Variants in GRIK4 observed in about 807,000 individuals in gnomAD.
GRIK4 encodes the protein glutamate ionotropic receptor kainate type subunit 4, also known as glutamate receptor ionotropic, kainate 4.
A neutral mutation model predicts 104.9 loss-of-function variants in GRIK4; 40 were observed. The ratio of observed to expected loss-of-function variants is 0.38; its 90% CI spans 0.30 to 0.50. GRIK4 has a LOEUF of 0.50. Ranked by LOEUF, GRIK4 falls within the 20% of genes least tolerant of loss-of-function variation. The pLI, the probability that GRIK4 is intolerant of heterozygous loss-of-function variation, is 0.93. For missense variants in GRIK4, 1,047 were observed against 1,308.1 expected, an observed-to-expected ratio of 0.80 and a Z score of 3.08; for synonymous variants, 485 against 524.9, an observed-to-expected ratio of 0.92 and a Z score of 1.04.
At chr11:120,645,905 G>A (rs905787690) in intron 1 of GRIK4, among the ~76,000 whole-genome samples, 1 of 152,190 alleles carries the variant, frequency 6.6e-6, no homozygotes, top group African/African-American at 2.4e-5. Flanking sequence ...TTTTGTTGCT[G>A]AGCACAGCAG....
chr11:120,754,051 A>T (rs1432155240), intron 3 of GRIK4, among the ~76,000 whole-genome samples: 1 of 151,852 alleles, frequency 6.6e-6, no homozygotes, highest in Non-Finnish European at 1.5e-5. Context: ...TTTTTTTTGG[A>T]GACGGAGTCT....
chr11:120,760,015 C>G (rs984861294), intron 3 of GRIK4, among the ~76,000 whole-genome samples: 1 of 151,914 alleles, frequency 6.6e-6, no homozygotes, highest in Admixed American at 6.6e-5. Flanking sequence ...ATATAACACA[C>G]TTTATATTAG....
intron 13 of GRIK4, among the ~76,000 whole-genome samples, chr11:120,920,630 C>T (rs1000197330): frequency 6.6e-6 from 1 of 151,584 alleles, no homozygotes; most frequent in Non-Finnish European, 1.5e-5. Context: ...CATATTCCCC[C>T]CAGGAGGTGG....
At chr11:120,527,971 C>CTTTTA (rs1358716261) in intron 1 of GRIK4, among the ~76,000 whole-genome samples, 1 of 152,032 alleles carries the variant, frequency 6.6e-6, no homozygotes, top group African/African-American at 2.4e-5. Flanking sequence ...CAAACAAGTC[C>CTTTTA]TTTTATTTTA....
chr11:120,780,979 T>C (rs1952145022), intron 3 of GRIK4, among the ~76,000 whole-genome samples: 1 of 152,174 alleles, frequency 6.6e-6, no homozygotes, highest in Non-Finnish European at 1.5e-5. Context: ...CCTGACCTCG[T>C]GATCTGCCTG....
rs1944648200 is a variant in GRIK4, at chr11:120,981,299, C to G, written c.2396-807C>G. 2.0e-5 allele frequency among the ~76,000 whole-genome samples: 3 copies of G among 152,190 alleles called. No homozygotes were observed. In the South Asian group the frequency reaches 6.2e-4, roughly 31 times the overall value. ...GTATTTATTGACTATATACTGTGTG[C>G]CAGGTATCATGCTTTGCAATGAGGA... is the stretch of plus-strand genomic sequence containing the variant. On this transcript the variant is annotated intron_variant, in intron 19 of 20. Coordinates refer to ENST00000527524, the MANE Select transcript of GRIK4 (RefSeq NM_014619.5).
At chr11:120,830,356 A>T (rs1953389146) in intron 6 of GRIK4, among the ~76,000 whole-genome samples, 4 of 152,076 alleles carry the variant, frequency 2.6e-5, no homozygotes, top group Admixed American at 2.6e-4. Context: ...GAAATCAGAA[A>T]ACTGAGATCA....
At chr11:120,720,533 T>C (rs1192196797) in intron 3 of GRIK4, among the ~76,000 whole-genome samples, 1 of 152,134 alleles carries the variant, frequency 6.6e-6, no homozygotes, top group East Asian at 1.9e-4. Context: ...GGTGTTGATG[T>C]GTCCTGCTTT....
At chr11:120,780,636 A>T (rs536518046) in intron 3 of GRIK4, among the ~76,000 whole-genome samples, 1 of 152,358 alleles carries the variant, frequency 6.6e-6, no homozygotes, top group East Asian at 1.9e-4. Context: ...TATTTTGGAT[A>T]TATACCCACA....
chr11:120,586,168 G>C (rs1000355924), intron 1 of GRIK4, among the ~76,000 whole-genome samples: 2 of 152,168 alleles, frequency 1.3e-5, no homozygotes, highest in African/African-American at 4.8e-5. Context: ...AGCTCTGGGT[G>C]GAGTACATGG....
chr11:120,883,375 G>A (rs1955022988), intron 11 of GRIK4, among the ~76,000 whole-genome samples: 2 of 152,312 alleles, frequency 1.3e-5, no homozygotes, highest in South Asian at 2.1e-4. Flanking sequence ...TTTGAAAATT[G>A]AAGCAGAAGG....
At chr11:120,628,674 C>T (rs765950487) in intron 1 of GRIK4, among the ~76,000 whole-genome samples, 3 of 152,144 alleles carry the variant, frequency 2.0e-5, no homozygotes, top group Non-Finnish European at 2.9e-5. Context: ...GGGACATTAG[C>T]TCCTAGGGGC....
chr11:120,796,889 G>C (rs546068898), intron 3 of GRIK4, among the ~76,000 whole-genome samples: 3 of 152,088 alleles, frequency 2.0e-5, no homozygotes, highest in African/African-American at 7.2e-5. Context: ...AGGCGCTGCA[G>C]GGGGGAGGAG....
At chr11:120,802,373 A>C (rs563320109) in intron 3 of GRIK4, among the ~76,000 whole-genome samples, 1 of 152,206 alleles carries the variant, frequency 6.6e-6, no homozygotes, top group Non-Finnish European at 1.5e-5. Context: ...GCCTGTGTGC[A>C]TGGAGACAGG....
rs1948115208 is a variant in GRIK4, at chr11:120,549,189, C to G, written c.-159+37302C>G. ...TCTCAGCTCACTGCAACCTCTGCTT[C>G]CTGGGTTCAAGCAATTCTACTGCCT... On this transcript the variant is annotated intron_variant, in intron 1 of 20. Coordinates refer to ENST00000527524, the MANE Select transcript of GRIK4 (RefSeq NM_014619.5). This position sits in a 1 kb window ranked among gnomAD's most constrained non-coding sequence, Gnocchi z 4.7. Among the ~76,000 whole-genome samples, 1 of 152,186 alleles carries G rather than the reference C, an allele frequency of 6.6e-6. No individual in the cohort carries two copies. The highest frequency in any genetic ancestry group is 1.9e-4 in the East Asian group (1 of 5,176).
chr11:120,702,175 C>T (rs974501699), intron 3 of GRIK4, among the ~76,000 whole-genome samples: 3 of 152,062 alleles, frequency 2.0e-5, no homozygotes, highest in Non-Finnish European at 2.9e-5. Flanking sequence ...AGGATGGCCT[C>T]GATCTCTTCA....
At chr11:120,689,097 G>C (rs552845687) in intron 3 of GRIK4, among the ~76,000 whole-genome samples, 35 of 152,178 alleles carry the variant, frequency 2.3e-4, no homozygotes, top group South Asian at 6.2e-4. Context: ...ACCAAGCCCA[G>C]TCAGGGCTTG....
intron 1 of GRIK4, among the ~76,000 whole-genome samples, chr11:120,637,587 C>G (rs998946549): frequency 2.0e-5 from 3 of 152,160 alleles, no homozygotes; most frequent in African/African-American, 7.2e-5. Context: ...CAACAGCGAG[C>G]CATGTGGGGT....
intron 2 of GRIK4, among the ~76,000 whole-genome samples, chr11:120,658,407 A>G (rs73580405): frequency 0.18 from 27,219 of 151,976 alleles, 5,816 homozygotes; most frequent in African/African-American, 0.52. Context: ...ACCTAGGAAT[A>G]GAGTTAGTGG....
Sources: gnomAD v4.1 joint callset for allele counts (sites outside exome capture counted in the v4.1 genomes callset) on GRCh38, gnomAD v4.1.1 for gene constraint, Gnocchi (gnomAD v3.1) non-coding constraint, MANE v1.5 for transcripts, NCBI Gene and HGNC (gene_info 2026-07-23, HGNC 2026-07-21) for gene names.